Variants in TTLL1 observed in about 807,000 individuals in gnomAD.
TTLL1 encodes the protein polyglutamylase complex subunit TTLL1.
In TTLL1, 33 loss-of-function variants were observed where a neutral mutation model predicts 47.8. That is an observed-to-expected ratio of 0.69 (90% CI 0.52 to 0.92). The LOEUF (loss-of-function observed/expected upper bound fraction) is 0.92. Ranked by LOEUF, TTLL1 falls within the 40% of genes least tolerant of loss-of-function variation. TTLL1 has a pLI of 0.00. For synonymous variants in TTLL1, 225 were observed against 214.1 expected, an observed-to-expected ratio of 1.05 and a Z score of -0.45; for missense variants, 488 against 547.5, an observed-to-expected ratio of 0.89 and a Z score of 1.08.
Position 43,073,884 on chromosome 22 carries a change from C to T in TTLL1, c.113+1590G>A, listed in dbSNP as rs527411368. 2.4e-3 allele frequency among the ~76,000 whole-genome samples: 369 copies of T among 150,802 alleles called. 3 individuals carry two copies. Among genetic ancestry groups the T allele is most frequent in the African/African-American group, 8.3e-3 (340 of 41,050 alleles). ...TCACCCAGGTTGGAGTGCAGTGGCG[C>T]GATCTCAGCTCACTGCAACCTCCAC... On this transcript the variant is annotated intron_variant, in intron 3 of 10. Coordinates refer to ENST00000266254, the MANE Select transcript of TTLL1 (RefSeq NM_012263.5).
chr22:43,072,839 C>T (rs192994176), intron 3 of TTLL1, among the ~76,000 whole-genome samples: 40 of 152,252 alleles, frequency 2.6e-4, no homozygotes, highest in Admixed American at 1.0e-3. Flanking sequence ...TCTCAAACTC[C>T]TCGCAAGGTG....
chr22:43,079,188 G>C, intron 2 of TTLL1, among the ~76,000 whole-genome samples: 1 of 116,048 alleles, frequency 8.6e-6, no homozygotes, highest in African/African-American at 3.1e-5. Context: ...CACAGACACG[G>C]GGACCACGGG....
intron 7 of TTLL1, among the ~76,000 whole-genome samples, chr22:43,063,436 GAAGA>G (rs1207903633): frequency 1.3e-5 from 2 of 150,512 alleles, no homozygotes; most frequent in East Asian, 2.0e-4. Flanking sequence ...TGCAAAAATA[GAAGA>G]AAGAAACCCA....
In TTLL1 at chr22:43,087,837, C is replaced by CAAA. The variant is rs134988; in HGVS notation, c.-90+1437_-90+1439dup. ...CCTGGGTGACAGAGTGAGACGGTCT[C>CAAA]AAAAAAAAAAAAAAAAAACCAAGAA... On this transcript the variant is annotated intron_variant, in intron 1 of 10. Transcript: ENST00000266254. 2.1e-3 allele frequency among the ~76,000 whole-genome samples: 132 copies of CAAA among 62,894 alleles called. 2 individuals are homozygous for CAAA. Among genetic ancestry groups the CAAA allele is most frequent in the East Asian group, 4.4e-3 (11 of 2,518 alleles). 41.3% of individuals were successfully genotyped at this position (62,894 alleles called of 152,430 possible). A position where few individuals can be genotyped will look rare whatever the true frequency, so the allele number is the denominator to read the frequency against.
At chr22:43,044,934 C>T (rs1467740208) in intron 10 of TTLL1, among the ~76,000 whole-genome samples, 1 of 151,454 alleles carries the variant, frequency 6.6e-6, no homozygotes, top group Non-Finnish European at 1.5e-5. Flanking sequence ...GCAATTTGGG[C>T]TCACTGCAAC....
chr22:43,086,664 CG>C (rs1929248306), intron 1 of TTLL1, among the ~76,000 whole-genome samples: 1 of 152,104 alleles, frequency 6.6e-6, no homozygotes, highest in Non-Finnish European at 1.5e-5. Context: ...CAACTGTGGC[CG>C]GGGAAGGAAG....
At chr22:43,050,288 C>T (rs1249806490) in intron 9 of TTLL1, among the ~76,000 whole-genome samples, 1 of 144,096 alleles carries the variant, frequency 6.9e-6, no homozygotes, top group Non-Finnish European at 1.5e-5. Context: ...TGGTGGTGCA[C>T]GCCTGTAATC....
chr22:43,040,071 G>T, intron 10 of TTLL1, 166 bp from the exon 11 acceptor site: 2 of 841,450 alleles, frequency 2.4e-6, no homozygotes, highest in Non-Finnish European at 3.6e-6. Flanking sequence ...CCTGGCTCCA[G>T]CCCACCTGCC....
chr22:43,068,684 G>T, intron 4 of TTLL1, 94 bp from the exon 5 acceptor site: 1 of 1,213,768 alleles, frequency 8.2e-7, no homozygotes, highest in Non-Finnish European at 1.1e-6. Context: ...GGGCCTGTGG[G>T]CTGAGTGTCC....
chr22:43,067,256 A>G (rs1927799969), intron 5 of TTLL1, among the ~76,000 whole-genome samples: 1 of 152,198 alleles, frequency 6.6e-6, no homozygotes, highest in African/African-American at 2.4e-5. Context: ...CAGATGCTTC[A>G]TATTTCACAT....
At chr22:43,078,659 G>T (rs1033454187) in intron 2 of TTLL1, among the ~76,000 whole-genome samples, 2 of 152,076 alleles carry the variant, frequency 1.3e-5, no homozygotes, top group Non-Finnish European at 2.9e-5. Context: ...CCTTTGGCAG[G>T]ATGATGACAA....
Position 43,069,694 on chromosome 22 carries a change from C to T in TTLL1, c.264G>A (p.Leu88=), listed in dbSNP as rs1338187185. 6.2e-7 allele frequency: 1 copy of T among 1,614,096 alleles called. No individual in the cohort carries two copies. Among genetic ancestry groups the T allele is most frequent in the African/African-American group, 1.3e-5 (1 of 74,934 alleles). Residue 88 remains leucine, a synonymous_variant, in exon 4 of 11, where the codon CTG becomes CTA. Transcript: ENST00000266254. ...CTGCCAGAGGACTCCCTTCTTTCTC[C>T]AGCTCCTTCCTGTATCTTTTGATGT... ...VKNIKRYRKE[L]EKEGSPLAEK...
intron 4 of TTLL1, 43 bp from the exon 5 acceptor site, chr22:43,068,633 A>G: frequency 1.4e-6 from 2 of 1,384,352 alleles, no homozygotes; most frequent in South Asian, 2.0e-5. Flanking sequence ...AGCCAGCCCA[A>G]CAGTGGCCAT....
intron 1 of TTLL1, among the ~76,000 whole-genome samples, chr22:43,085,724 G>A (rs533127728): frequency 3.3e-5 from 5 of 152,250 alleles, no homozygotes; most frequent in South Asian, 2.1e-4. Context: ...GGAATTCTCC[G>A]CATTTTACAG....
At chr22:43,051,712 G>A (rs1926634860) in intron 9 of TTLL1, 89 bp downstream of exon 9, 5 of 1,238,322 alleles carry the variant, frequency 4.0e-6, no homozygotes, top group South Asian at 3.6e-5. Flanking sequence ...AAACATCTGG[G>A]GCCTGGGGGA....
intron 5 of TTLL1, among the ~76,000 whole-genome samples, chr22:43,067,513 G>A (rs1448215247): frequency 6.6e-6 from 1 of 152,034 alleles, no homozygotes; most frequent in African/African-American, 2.4e-5. Flanking sequence ...ATCAAAAAGT[G>A]GCTGCAGGCC....
chr22:43,085,227 C>G (rs543957063), intron 1 of TTLL1, among the ~76,000 whole-genome samples: 2 of 152,242 alleles, frequency 1.3e-5, no homozygotes, highest in South Asian at 2.1e-4. Context: ...CCGCCTGCCT[C>G]GGCCTCCCAA....
chr22:43,068,613 A>G (rs1927906500), intron 4 of TTLL1, 23 bp from the exon 5 acceptor site: 6 of 1,433,222 alleles, frequency 4.2e-6, no homozygotes, highest in Non-Finnish European at 5.6e-6. Flanking sequence ...GACACCCAGC[A>G]CTGGTAAGCA....
chr22:43,088,868 T>TC (rs766513908), intron 1 of TTLL1, among the ~76,000 whole-genome samples: 3 of 152,132 alleles, frequency 2.0e-5, no homozygotes, highest in Non-Finnish European at 2.9e-5. Flanking sequence ...AATGTCTTGG[T>TC]CCAGTCATCT....
Sources: allele counts gnomAD v4.1 joint callset (sites outside exome capture counted in the v4.1 genomes callset), GRCh38; gene constraint gnomAD v4.1.1; transcripts MANE v1.5; gene names NCBI Gene and HGNC (gene_info 2026-07-23, HGNC 2026-07-21).